The following CAMTA1 variants were observed in gnomAD, a reference collection of about 807,000 sequenced individuals.
The protein encoded by CAMTA1 is calmodulin-binding transcription activator 1.
In CAMTA1, 27 loss-of-function variants were observed where a neutral mutation model predicts 170.9. That is an observed-to-expected ratio of 0.16 (90% CI 0.12 to 0.22). The LOEUF (loss-of-function observed/expected upper bound fraction) is 0.22. CAMTA1 is among the 10% of genes least tolerant of loss of function. CAMTA1 has a pLI of 1.00. For synonymous variants in CAMTA1, 833 were observed against 891.5 expected (o/e 0.93, Z 1.17); for missense variants, 1,619 against 2,217.2 (o/e 0.73, Z 5.42).
intron 5 of CAMTA1, among the ~76,000 whole-genome samples, chr1:7,311,459 C>G (rs1676720284): frequency 2.0e-5 from 3 of 152,100 alleles, no homozygotes; most frequent in Admixed American, 2.0e-4. Flanking sequence ...TTTATATTCT[C>G]TACTTATTTT....
Position 7,469,145 on chromosome 1 carries a change from T to C in CAMTA1, c.510+1244T>C, listed in dbSNP as rs553554000. On this transcript the variant is annotated intron_variant, in intron 6 of 22. Coordinates refer to ENST00000303635, the MANE Select transcript of CAMTA1 (RefSeq NM_015215.4). ...CCGAGACCATCCGGGGACGTGCTGA[T>C]TTGCAGAGGCTGCTTCCCAATACCT... Among the ~76,000 whole-genome samples the C allele has an allele frequency of 6.4e-4, 97 of 152,334 alleles. 2 individuals are homozygous for C. Among genetic ancestry groups the C allele is most frequent in the African/African-American group, 2.2e-3 (93 of 41,574 alleles).
At chr1:7,200,124 G>A (rs909144480) in intron 4 of CAMTA1, among the ~76,000 whole-genome samples, 1 of 152,080 alleles carries the variant, frequency 6.6e-6, no homozygotes, top group South Asian at 2.1e-4. Context: ...TTTCATAGTT[G>A]TTCACATTTC....
At chr1:7,464,217 G>A (rs1423566154) in intron 5 of CAMTA1, among the ~76,000 whole-genome samples, 3 of 151,958 alleles carry the variant, frequency 2.0e-5, no homozygotes, top group Non-Finnish European at 1.5e-5. Flanking sequence ...GGGAACCCAC[G>A]GCATGTACTC....
intron 5 of CAMTA1, among the ~76,000 whole-genome samples, chr1:7,357,628 T>G (rs2085221547): frequency 6.6e-6 from 1 of 152,208 alleles, no homozygotes; most frequent in Admixed American, 6.5e-5. Context: ...AAAATTTCAC[T>G]CTTTATCTAA....
At chr1:7,389,963 C>T (rs191780229) in intron 5 of CAMTA1, among the ~76,000 whole-genome samples, 38 of 152,266 alleles carry the variant, frequency 2.5e-4, no homozygotes, top group Admixed American at 1.5e-3. Flanking sequence ...TATTTGTGTC[C>T]CCCGCCTTCC....
chr1:7,386,844 CT>C (rs2088056946), intron 5 of CAMTA1, among the ~76,000 whole-genome samples: 1 of 152,194 alleles, frequency 6.6e-6, no homozygotes, highest in Non-Finnish European at 1.5e-5. Context: ...GCCACTGAAA[CT>C]GTTCTGAGAA....
chr1:6,853,610 T>G (rs576542787), intron 3 of CAMTA1, among the ~76,000 whole-genome samples: 1 of 152,116 alleles, frequency 6.6e-6, no homozygotes, highest in Non-Finnish European at 1.5e-5. Context: ...TAAATAAAAA[T>G]GAACCAAAAT....
chr1:7,574,954 G>A (rs1007537057), intron 6 of CAMTA1, among the ~76,000 whole-genome samples: 9 of 152,240 alleles, frequency 5.9e-5, no homozygotes, highest in Non-Finnish European at 8.8e-5. Flanking sequence ...ACCAGCAATA[G>A]TGCTAAGCCT....
intron 6 of CAMTA1, among the ~76,000 whole-genome samples, chr1:7,572,325 C>T (rs2095135176): frequency 6.6e-6 from 1 of 152,222 alleles, no homozygotes; most frequent in African/African-American, 2.4e-5. Flanking sequence ...CTTTGCTGCG[C>T]AGAAGCTCTT....
intron 6 of CAMTA1, among the ~76,000 whole-genome samples, chr1:7,578,310 G>A (rs1409827383): frequency 6.6e-6 from 1 of 152,164 alleles, no homozygotes; most frequent in Admixed American, 6.5e-5. Context: ...CAATCCAGTG[G>A]CTTCTCCACA....
intron 5 of CAMTA1, among the ~76,000 whole-genome samples, chr1:7,398,191 C>A (rs556562320): frequency 0.024 from 644 of 26,582 alleles, 16 homozygotes; most frequent in African/African-American, 0.076. Context: ...CTCTCTCTCT[C>A]TCTATATATA....
intron 3 of CAMTA1, among the ~76,000 whole-genome samples, chr1:6,960,730 T>TGC (rs1280704804): frequency 1.3e-5 from 2 of 152,236 alleles, no homozygotes; most frequent in African/African-American, 4.8e-5. Context: ...TGTGTCATTG[T>TGC]GCCTGGGGCA....
intron 5 of CAMTA1, among the ~76,000 whole-genome samples, chr1:7,256,554 T>G (rs1188787285): frequency 3.9e-5 from 6 of 151,998 alleles, no homozygotes; most frequent in Non-Finnish European, 7.4e-5. Flanking sequence ...CGAGACTCCG[T>G]CTCAAAAACA....
chr1:7,182,777 G>A (rs1652473202), intron 4 of CAMTA1, among the ~76,000 whole-genome samples: 1 of 152,140 alleles, frequency 6.6e-6, no homozygotes, highest in Non-Finnish European at 1.5e-5. Flanking sequence ...ATGGGCACAA[G>A]ACATGAAAGA....
At chr1:7,487,301 C>A (rs1330396857) in intron 6 of CAMTA1, among the ~76,000 whole-genome samples, 2 of 152,120 alleles carry the variant, frequency 1.3e-5, no homozygotes, top group Non-Finnish European at 2.9e-5. Flanking sequence ...GGTAAGAAAC[C>A]TTTACTCAGG....
At chr1:7,678,923 C>T (rs1174595409) in intron 11 of CAMTA1, among the ~76,000 whole-genome samples, 1 of 152,232 alleles carries the variant, frequency 6.6e-6, no homozygotes, top group East Asian at 1.9e-4. Context: ...TTTCCTGAAC[C>T]ACCCAGTGTG....
At chr1:6,968,045 A>T (rs1019565785) in intron 3 of CAMTA1, among the ~76,000 whole-genome samples, 30 of 152,370 alleles carry the variant, frequency 2.0e-4, no homozygotes, top group African/African-American at 6.3e-4. Context: ...ATAAATTGCC[A>T]AACTGAGCTG....
chr1:7,230,311 G>A (rs911156813), intron 4 of CAMTA1, among the ~76,000 whole-genome samples: 12 of 152,146 alleles, frequency 7.9e-5, no homozygotes, highest in African/African-American at 2.7e-4. Context: ...GGAGGAGGGT[G>A]GAAGAGGAAG....
intron 6 of CAMTA1, among the ~76,000 whole-genome samples, chr1:7,496,304 C>T (rs1328217254): frequency 6.6e-6 from 1 of 152,152 alleles, no homozygotes; most frequent in East Asian, 1.9e-4. Flanking sequence ...ATGTGGGGCA[C>T]GTGAGCTCGT....
Sources: allele counts gnomAD v4.1 joint callset (sites outside exome capture counted in the v4.1 genomes callset), GRCh38; gene constraint gnomAD v4.1.1; transcripts MANE v1.5; gene names NCBI Gene and HGNC (gene_info 2026-07-23, HGNC 2026-07-21).